Variants in PA2G4 observed in about 807,000 individuals in gnomAD.
PA2G4 encodes the protein proliferation-associated protein 2G4.
PA2G4 carries 8 observed loss-of-function variants against 53.3 expected under a neutral mutation model. The ratio of observed to expected loss-of-function variants is 0.15; its 90% CI spans 0.09 to 0.27. The LOEUF (loss-of-function observed/expected upper bound fraction) is 0.27, where lower values mean the gene tolerates loss of function less well. Among genes scored for constraint, PA2G4 ranks in the 10% least tolerant of loss-of-function variants. PA2G4 has a pLI of 1.00. For missense variants in PA2G4, 208 were observed against 486.8 expected (o/e 0.43, Z 5.39); for synonymous variants, 143 against 169.8 (o/e 0.84, Z 1.23).
At chr12:56,105,812 G>C (rs185097512) in intron 1 of PA2G4, among the ~76,000 whole-genome samples, 19 of 152,284 alleles carry the variant, frequency 1.2e-4, no homozygotes, top group Admixed American at 1.2e-3. Context: ...GCTTGTCATT[G>C]TGCTTTTAAA....
In PA2G4 at chr12:56,113,489, A is replaced by G. The variant is rs1194044164; in HGVS notation, c.*601A>G. On this transcript the variant is annotated 3_prime_UTR_variant, in exon 13 of 13. Transcript: ENST00000303305. ...AGCCTTCATTTATGAAGAGATTCTC[A>G]TCTATGAAATGGATCCTCATTTGTA... 1.2e-5 allele frequency: 3 copies of G among 241,186 alleles called. No homozygotes were observed. Among genetic ancestry groups the G allele is most frequent in the South Asian group, 1.0e-4 (1 of 9,788 alleles). The allele number at this position is 241,186 out of a possible 1,614,324, so 14.9% of individuals were successfully genotyped here.
intron 4 of PA2G4, 57 bp downstream of exon 4, chr12:56,107,313 A>C: frequency 7.3e-7 from 1 of 1,363,034 alleles, no homozygotes; most frequent in Non-Finnish European, 1.0e-6. Flanking sequence ...ATGCACTGCC[A>C]TTTGCTTCTT....
In PA2G4 at chr12:56,112,632, TATAGTCCCAGCTACC is replaced by T. The variant is rs1000436264; in HGVS notation, c.1120-190_1120-176del. 3.5e-4 allele frequency among the ~76,000 whole-genome samples: 54 copies of T among 152,222 alleles called. 2 individuals are homozygous for T. The highest frequency in any genetic ancestry group is 3.2e-3 in the Admixed American group (49 of 15,292). On this transcript the variant is annotated intron_variant, in intron 12 of 12. Transcript: ENST00000303305. ...AAAGTTGTACATGGTGGCATATGCCTATAGTCCCAGCTACCTGGGAGGCTGAGGTGAGAGGATCAC... is the reference window on the plus strand; with the variant it reads ...AAAGTTGTACATGGTGGCATATGCCTTGGGAGGCTGAGGTGAGAGGATCAC...
At chr12:56,105,126 C>T (rs1290109591) in intron 1 of PA2G4, 3 of 639,512 alleles carry the variant, frequency 4.7e-6, no homozygotes, top group South Asian at 4.5e-5. Flanking sequence ...TTGTTCCTAT[C>T]CTTCATTCCC....
intron 12 of PA2G4, 137 bp downstream of exon 12, chr12:56,111,666 C>T (rs1869428468): frequency 2.9e-6 from 2 of 690,500 alleles, no homozygotes; most frequent in South Asian, 3.9e-5. Context: ...TCCCAGTAAA[C>T]CCATCATAAA....
At position 56,106,763 on chromosome 12, in the gene PA2G4, G is replaced by A. The variant is rs1869311398; in HGVS notation, c.217+47G>A. On this transcript the variant is annotated intron_variant, in intron 2 of 12. Transcript: ENST00000303305. ...CTAATTTTCCGTTTGACCCTTATTTGGTCCTATATGTTTTTATTTTTTTCA... is the reference window on the plus strand; with the variant it reads ...CTAATTTTCCGTTTGACCCTTATTTAGTCCTATATGTTTTTATTTTTTTCA... 7.1e-6 allele frequency: 11 copies of A among 1,555,488 alleles called. No homozygotes were observed. The East Asian group carries it at 2.2e-4, about 32-fold the overall frequency.
intron 1 of PA2G4, among the ~76,000 whole-genome samples, chr12:56,105,555 A>G (rs1041139184): frequency 8.5e-5 from 13 of 152,192 alleles, no homozygotes; most frequent in Non-Finnish European, 1.9e-4. Flanking sequence ...GTTAGCATTC[A>G]CATTTGTTGT....
Position 56,104,663 on chromosome 12 carries a change from A to T in PA2G4, c.-75A>T, listed in dbSNP as rs1363142066. 1.5e-6 allele frequency: 2 copies of T among 1,354,582 alleles called. No homozygotes were observed. The highest frequency in any genetic ancestry group is 2.1e-6 in the Non-Finnish European group (2 of 943,232). The allele number at this position is 1,354,582 out of a possible 1,614,324, so 83.9% of individuals were successfully genotyped here. On this transcript the variant is annotated 5_prime_UTR_variant, in exon 1 of 13. Transcript: ENST00000303305. ...CGAGGATCGAGGGGACTCTGACCAC[A>T]GCCTGTGGCTGGGAAGGGAGACAGA...
In PA2G4 at chr12:56,110,228, T is replaced by C. The variant is rs975092649; in HGVS notation, c.630-171T>C. On this transcript the variant is annotated intron_variant, in intron 7 of 12. Transcript: ENST00000303305. ...TACAAAAATGAGCCAGGCCTGGTGGTTTGTGCCTATAGTCCCAGCTACTTG... is the reference window on the plus strand; with the variant it reads ...TACAAAAATGAGCCAGGCCTGGTGGCTTGTGCCTATAGTCCCAGCTACTTG... Among the ~76,000 whole-genome samples the C allele has an allele frequency of 2.6e-5, 4 of 151,714 alleles. No homozygotes were observed. The East Asian group carries it at 7.7e-4, about 29-fold the overall frequency.
intron 5 of PA2G4, 31 bp from the exon 6 acceptor site, chr12:56,109,199 T>C (rs774851741): frequency 7.6e-5 from 113 of 1,495,840 alleles, no homozygotes; most frequent in African/African-American, 1.4e-5. Flanking sequence ...GCTCCTGATA[T>C]CTCACCTTTC....
chr12:56,109,185 A>C (rs756995664), intron 5 of PA2G4, 45 bp from the exon 6 acceptor site: 2 of 1,290,662 alleles, frequency 1.5e-6, no homozygotes, highest in African/African-American at 2.9e-5. Flanking sequence ...TAGAGAACTT[A>C]TTAGCTCCTG....
intron 1 of PA2G4, among the ~76,000 whole-genome samples, chr12:56,105,598 G>A (rs56983027): frequency 0.014 from 2,180 of 152,284 alleles, 49 homozygotes; most frequent in African/African-American, 0.05. Flanking sequence ...ATGTTTTGGG[G>A]TCTCCGTCTT....
intron 7 of PA2G4, 44 bp from the exon 8 acceptor site, chr12:56,110,353 CTG>C (rs775454734): frequency 4.3e-6 from 5 of 1,153,826 alleles, no homozygotes; most frequent in Middle Eastern, 2.2e-4. Context: ...GAATGAGACT[CTG>C]TGTCAAAAAA....
chr12:56,111,612 G>A (rs943991649), intron 12 of PA2G4, 83 bp downstream of exon 12: 18 of 1,229,522 alleles, frequency 1.5e-5, no homozygotes, highest in Middle Eastern at 2.7e-4. Context: ...AGTGAAATAC[G>A]GATTTTTATA....
chr12:56,107,643 G>T (rs372939818), intron 5 of PA2G4, 30 bp downstream of exon 5: 66 of 1,521,190 alleles, frequency 4.3e-5, no homozygotes, highest in Non-Finnish European at 7.3e-6. Context: ...TCCAAAGCTC[G>T]TTTGAACCAA....
At chr12:56,107,754 C>A in intron 5 of PA2G4, 141 bp downstream of exon 5, 1 of 597,502 alleles carries the variant, frequency 1.7e-6, no homozygotes, top group South Asian at 2.0e-5. Context: ...TTTAGCTGGG[C>A]ACAGTGACTC....
intron 1 of PA2G4, 136 bp downstream of exon 1, chr12:56,104,961 G>C: frequency 1.2e-6 from 1 of 848,380 alleles, no homozygotes; most frequent in Non-Finnish European, 2.0e-6. Flanking sequence ...GGCACGGCGT[G>C]GTGGGAAGAC....
chr12:56,113,850 G>A lies in PA2G4; in HGVS notation c.*962G>A. 1 of 702,110 alleles carries A rather than the reference G, an allele frequency of 1.4e-6. No individual in the cohort carries two copies. The highest frequency in any genetic ancestry group is 2.6e-6 in the Non-Finnish European group (1 of 384,790). The allele number at this position is 702,110 out of a possible 1,614,324, so 43.5% of individuals were successfully genotyped here. A position where few individuals can be genotyped will look rare whatever the true frequency, so the allele number is the denominator to read the frequency against. ...AACTAGGGCTCCCACTAACTTATGA[G>A]GTTTTTAAACACATTGAAAATGACA... is the stretch of plus-strand genomic sequence containing the variant. On this transcript the variant is annotated 3_prime_UTR_variant, in exon 13 of 13. Transcript: ENST00000303305.
Position 56,107,722 on chromosome 12 carries a change from C to T in PA2G4, c.486+109C>T, listed in dbSNP as rs1007315579. ...CCTCCCCTACAGACCCCTTATAAAA[C>T]AGCTTTTTAAAATTAGCTATATTTA... is the stretch of plus-strand genomic sequence containing the variant. On this transcript the variant is annotated intron_variant, in intron 5 of 12. Coordinates refer to ENST00000303305, the MANE Select transcript of PA2G4 (RefSeq NM_006191.3). 7.3e-6 allele frequency: 5 copies of T among 681,360 alleles called. No individual in the cohort carries two copies. The Admixed American group carries it at 1.3e-4, about 18-fold the overall frequency. 42.2% of individuals were successfully genotyped at this position (681,360 alleles called of 1,614,324 possible).
Sources: gnomAD v4.1 joint callset for allele counts (sites outside exome capture counted in the v4.1 genomes callset) on GRCh38, gnomAD v4.1.1 for gene constraint, MANE v1.5 for transcripts, NCBI Gene and HGNC (gene_info 2026-07-23, HGNC 2026-07-21) for gene names.